The following FER variants were observed in gnomAD, a reference collection of about 807,000 sequenced individuals.
FER encodes tyrosine-protein kinase Fer.
FER carries 63 observed loss-of-function variants against 111.0 expected under a neutral mutation model. The observed-to-expected ratio is 0.57, with a 90% CI of 0.46 to 0.70. The LOEUF (loss-of-function observed/expected upper bound fraction) is 0.70. FER is among the 30% of genes least tolerant of loss of function. The pLI is 0.00. For missense variants in FER, 914 were observed against 954.0 expected, an observed-to-expected ratio of 0.96 and a Z score of 0.55; for synonymous variants, 327 against 313.9, an observed-to-expected ratio of 1.04 and a Z score of -0.44.
At chr5:108,863,659 C>T (rs1423075113) in intron 5 of FER, among the ~76,000 whole-genome samples, 1 of 151,888 alleles carries the variant, frequency 6.6e-6, no homozygotes, top group African/African-American at 2.4e-5. Context: ...TGAGATAAAT[C>T]TTCTCTAGGG....
chr5:108,770,773 T>C (rs751184538), intron 2 of FER, among the ~76,000 whole-genome samples: 3 of 152,198 alleles, frequency 2.0e-5, no homozygotes, highest in Non-Finnish European at 4.4e-5. Flanking sequence ...GGTTCATTTA[T>C]TATCTTTTTG....
At chr5:109,084,648 G>T (rs997502181) in intron 16 of FER, among the ~76,000 whole-genome samples, 1 of 151,802 alleles carries the variant, frequency 6.6e-6, no homozygotes, top group Non-Finnish European at 1.5e-5. Context: ...TCTTTTGTGT[G>T]GTTACTGCTT....
At chr5:108,990,888 T>TA (rs1763081615) in intron 13 of FER, among the ~76,000 whole-genome samples, 1 of 151,884 alleles carries the variant, frequency 6.6e-6, no homozygotes, top group South Asian at 2.1e-4. Flanking sequence ...TTCACACTGA[T>TA]ACTGCTAAAA....
At chr5:108,913,797 C>T (rs924033251) in intron 10 of FER, among the ~76,000 whole-genome samples, 12 of 152,160 alleles carry the variant, frequency 7.9e-5, no homozygotes, top group Admixed American at 3.9e-4. Flanking sequence ...GGGATACTTA[C>T]CCAATGGGAT....
At chr5:109,116,671 A>C (rs532565248) in intron 17 of FER, among the ~76,000 whole-genome samples, 2 of 152,122 alleles carry the variant, frequency 1.3e-5, no homozygotes, top group African/African-American at 4.8e-5. Context: ...GGCTGCCACC[A>C]TATTTCGAGA....
At chr5:108,959,172 A>G in intron 12 of FER, 53 bp from the exon 13 acceptor site, 2 of 1,564,952 alleles carry the variant, frequency 1.3e-6, no homozygotes, top group Non-Finnish European at 1.7e-6. Context: ...ATGAATGTAG[A>G]TTTTCTAAAG....
chr5:108,834,821 T>C (rs946144950), intron 4 of FER, among the ~76,000 whole-genome samples: 1 of 152,206 alleles, frequency 6.6e-6, no homozygotes, highest in African/African-American at 2.4e-5. Flanking sequence ...ATTTTTTGTT[T>C]ATTCACACAG....
In FER at chr5:109,170,808, C is replaced by T. The variant is rs145714254; in HGVS notation, c.2049-9939C>T. Among the ~76,000 whole-genome samples, 50 of 152,262 alleles carry T rather than the reference C, an allele frequency of 3.3e-4. No homozygotes were observed. In the East Asian group the frequency reaches 9.1e-3, roughly 28 times the overall value. On this transcript the variant is annotated intron_variant, in intron 17 of 19. Coordinates refer to ENST00000281092, the MANE Select transcript of FER (RefSeq NM_005246.4). ...CTTGCATTCATTAGCTGCTGACACC[C>T]ACTGTTGTATTGTCAACATGGAAAG...
chr5:108,756,218 CT>C (rs1751097490), intron 1 of FER, among the ~76,000 whole-genome samples: 1 of 151,002 alleles, frequency 6.6e-6, no homozygotes, highest in Non-Finnish European at 1.5e-5. Context: ...AGTGTCTTGA[CT>C]TTCTCTTGAA....
intron 1 of FER, among the ~76,000 whole-genome samples, chr5:108,759,269 T>C (rs1276345839): frequency 2.6e-5 from 4 of 152,230 alleles, no homozygotes; most frequent in Non-Finnish European, 5.9e-5. Context: ...TTAATCACTT[T>C]ATAACAAGGA....
intron 5 of FER, among the ~76,000 whole-genome samples, chr5:108,857,135 G>C (rs1763082312): frequency 6.6e-6 from 1 of 151,952 alleles, no homozygotes; most frequent in Non-Finnish European, 1.5e-5. Context: ...TTCTGTCTCT[G>C]TATGTGGTGC....
At chr5:108,755,842 A>G (rs1169207654) in intron 1 of FER, among the ~76,000 whole-genome samples, 1 of 150,798 alleles carries the variant, frequency 6.6e-6, no homozygotes, top group Admixed American at 6.6e-5. Flanking sequence ...GCTATACCAC[A>G]TCTTGTTTTA....
chr5:109,088,145 A>G (rs952432065), intron 16 of FER, among the ~76,000 whole-genome samples: 4 of 152,006 alleles, frequency 2.6e-5, no homozygotes, highest in African/African-American at 9.7e-5. Flanking sequence ...TGTATTACAT[A>G]TTACGGGTCA....
At chr5:109,153,234 ACT>A (rs1755041023) in intron 17 of FER, among the ~76,000 whole-genome samples, 1 of 151,528 alleles carries the variant, frequency 6.6e-6, no homozygotes, top group Non-Finnish European at 1.5e-5. Flanking sequence ...CAATTTGGAC[ACT>A]CATTTGAGTT....
chr5:108,849,648 G>A (rs563585034), intron 5 of FER, among the ~76,000 whole-genome samples: 1 of 152,240 alleles, frequency 6.6e-6, no homozygotes, highest in South Asian at 2.1e-4. Flanking sequence ...TAACATCTGT[G>A]TCAGTCACTT....
At chr5:108,775,311 A>G (rs1294070907) in intron 2 of FER, among the ~76,000 whole-genome samples, 1 of 152,076 alleles carries the variant, frequency 6.6e-6, no homozygotes, top group African/African-American at 2.4e-5. Context: ...TATCCTCATT[A>G]CCTGTGAACT....
intron 13 of FER, among the ~76,000 whole-genome samples, chr5:109,011,284 AT>A (rs1351802444): frequency 1.3e-5 from 2 of 152,226 alleles, no homozygotes; most frequent in Non-Finnish European, 2.9e-5. Flanking sequence ...AAAAATCAGC[AT>A]CTCTAAAAAT....
At position 109,014,445 on chromosome 5, in the gene FER, C is replaced by G. The variant is rs547814718; in HGVS notation, c.1657-22977C>G. On this transcript the variant is annotated intron_variant, in intron 13 of 19. Transcript: ENST00000281092. ...TGTTCTGTTCCATTGATCTATATCT[C>G]TGTTTTGGTACCAGCACCATGCTGT... Among the ~76,000 whole-genome samples the G allele has an allele frequency of 9.2e-5, 14 of 152,228 alleles. No individual in the cohort carries two copies. In the East Asian group the frequency reaches 2.7e-3, roughly 29 times the overall value.
Position 109,014,432 on chromosome 5 carries a change from T to G in FER, c.1657-22990T>G, listed in dbSNP as rs558950914. ...TTTCTGAGGGCTCTGTTCTGTTCCATTGATCTATATCTCTGTTTTGGTACC... is the reference window on the plus strand; with the variant it reads ...TTTCTGAGGGCTCTGTTCTGTTCCAGTGATCTATATCTCTGTTTTGGTACC... On this transcript the variant is annotated intron_variant, in intron 13 of 19. Transcript: ENST00000281092. Among the ~76,000 whole-genome samples the G allele has an allele frequency of 3.9e-5, 6 of 152,300 alleles. No homozygotes were observed. The East Asian group carries it at 1.2e-3, about 29-fold the overall frequency.
Sources: allele counts gnomAD v4.1 joint callset (sites outside exome capture counted in the v4.1 genomes callset), GRCh38; gene constraint gnomAD v4.1.1; transcripts MANE v1.5; gene names NCBI Gene and HGNC (gene_info 2026-07-23, HGNC 2026-07-21).